The following KLHL4 variants were observed in gnomAD, a reference collection of about 807,000 sequenced individuals.
The protein encoded by KLHL4 is kelch like family member 4.
A neutral mutation model predicts 45.8 loss-of-function variants in KLHL4; 17 were observed. The observed-to-expected ratio is 0.37, with a 90% CI of 0.25 to 0.56. The LOEUF is 0.56. Ranked by LOEUF, KLHL4 falls within the 20% of genes least tolerant of loss-of-function variation. The pLI, the probability that KLHL4 is intolerant of heterozygous loss-of-function variation, is 0.79. For synonymous variants in KLHL4, 224 were observed against 189.9 expected, an observed-to-expected ratio of 1.18 and a Z score of -1.47; for missense variants, 544 against 544.9, an observed-to-expected ratio of 1.00 and a Z score of 0.02.
At chrX:87,556,536 AG>A (rs1931978892) in intron 1 of KLHL4, among the ~76,000 whole-genome samples, 3 of 96,184 alleles carry the variant, frequency 3.1e-5, no homozygotes, top group African/African-American at 1.1e-4. Context: ...GGGTGGGGGA[AG>A]GGGGGAGGGA....
At chrX:87,646,508 T>C (rs896647322) in intron 9 of KLHL4, among the ~76,000 whole-genome samples, 1 of 111,575 alleles carries the variant, frequency 9.0e-6, no homozygotes, top group Admixed American at 9.5e-5. Context: ...TATAAGGCCA[T>C]ACTCTCCAAA....
In KLHL4 at chrX:87,576,586, A is replaced by G. The variant is rs554095390; in HGVS notation, c.423-37291A>G. On this transcript the variant is annotated intron_variant, in intron 1 of 10. Coordinates refer to ENST00000373119, the MANE Select transcript of KLHL4 (RefSeq NM_019117.5). ...TTATCTAAAAATAAAATGAACTACA[A>G]TTGATGATTTATATGGAGTATTTAC... 3.2e-4 allele frequency among the ~76,000 whole-genome samples: 36 copies of G among 111,834 alleles called. No homozygotes were observed. In the South Asian group the frequency reaches 0.012, roughly 37 times the overall value.
intron 1 of KLHL4, among the ~76,000 whole-genome samples, chrX:87,580,764 G>C (rs1921249285): frequency 8.9e-6 from 1 of 112,250 alleles, no homozygotes; most frequent in Non-Finnish European, 1.9e-5. Flanking sequence ...AATTGTAGGA[G>C]ATTTTAATAC....
At chrX:87,533,633 AG>A (rs1209453112) in intron 1 of KLHL4, among the ~76,000 whole-genome samples, 1 of 108,649 alleles carries the variant, frequency 9.2e-6, no homozygotes, top group Non-Finnish European at 1.9e-5. Flanking sequence ...GCAGCACAGC[AG>A]CATGGCACAT....
chrX:87,522,966 C>G (rs190922324), intron 1 of KLHL4, among the ~76,000 whole-genome samples: 9 of 111,142 alleles, frequency 8.1e-5, no homozygotes, highest in Non-Finnish European at 1.7e-4. Flanking sequence ...TTTGGGGACT[C>G]TCATTTAAGG....
chrX:87,591,079 TGGCCGTACTAATTTACA>T (rs1485429288), intron 1 of KLHL4, among the ~76,000 whole-genome samples: 1 of 111,911 alleles, frequency 8.9e-6, no homozygotes, highest in African/African-American at 3.2e-5. Context: ...TTTTCCATAA[TGGCCGTACTAATTTACA>T]TTCCCACCAG....
intron 9 of KLHL4, among the ~76,000 whole-genome samples, chrX:87,655,109 A>G (rs1923944596): frequency 9.0e-6 from 1 of 111,504 alleles, no homozygotes; most frequent in Admixed American, 9.6e-5. Flanking sequence ...TTCTCTGTTC[A>G]CGCTATCGAT....
chrX:87,591,874 CTT>C (rs1255165216), intron 1 of KLHL4, among the ~76,000 whole-genome samples: 1 of 111,595 alleles, frequency 9.0e-6, no homozygotes, highest in Admixed American at 9.6e-5. Flanking sequence ...CAAATATACT[CTT>C]TAAGTTATTT....
At chrX:87,591,026 T>C (rs1005470394) in intron 1 of KLHL4, among the ~76,000 whole-genome samples, 2 of 111,949 alleles carry the variant, frequency 1.8e-5, no homozygotes, top group African/African-American at 6.5e-5. Context: ...TACTGAATCA[T>C]ATGGTAATTC....
At chrX:87,660,920 G>T (rs1259143450) in intron 9 of KLHL4, among the ~76,000 whole-genome samples, 1 of 112,265 alleles carries the variant, frequency 8.9e-6, no homozygotes, top group Non-Finnish European at 1.9e-5. Context: ...AGGTCAAGGA[G>T]AAAGATTGAT....
intron 1 of KLHL4, among the ~76,000 whole-genome samples, chrX:87,541,587 C>T (rs1407124111): frequency 1.8e-5 from 2 of 109,803 alleles, no homozygotes; most frequent in Admixed American, 2.0e-4. Context: ...TCCCTTTCAC[C>T]TTCCACTATG....
intron 1 of KLHL4, among the ~76,000 whole-genome samples, chrX:87,525,745 T>C (rs1406252534): frequency 8.9e-6 from 1 of 111,889 alleles, no homozygotes; most frequent in Non-Finnish European, 1.9e-5. Flanking sequence ...ATATATATTA[T>C]ACTTACACTA....
chrX:87,555,681 A>C (rs754947422), intron 1 of KLHL4, among the ~76,000 whole-genome samples: 5 of 105,612 alleles, frequency 4.7e-5, no homozygotes, highest in Non-Finnish European at 9.8e-5. Flanking sequence ...TCCTGGATTC[A>C]TTAATTTTTT....
Position 87,633,851 on chromosome X carries a change from A to C in KLHL4, c.1652A>C (p.Asn551Thr), listed in dbSNP as rs1262478286. 8.3e-7 allele frequency: 1 copy of C among 1,209,779 alleles called. No homozygotes were observed. The highest frequency in any genetic ancestry group is 3.0e-5 in the East Asian group (1 of 33,806). Residue 551 changes from asparagine to threonine, a missense_variant, in exon 8 of 11, where the codon AAT (asparagine) becomes ACT (threonine). Asn to Thr is a moderately conservative substitution (Grantham distance 65). Transcript: ENST00000373119. The part of the protein sequence containing the change: ...ERWDPEGRQW[N>T]YVASMSTPRS... ...TGGGACCCTGAGGGACGACAGTGGAATTACGTAGCCAGTATGTCAACTCCT... is the reference window on the plus strand; with the variant it reads ...TGGGACCCTGAGGGACGACAGTGGACTTACGTAGCCAGTATGTCAACTCCT...
chrX:87,551,880 CT>C (rs2147779305), intron 1 of KLHL4, among the ~76,000 whole-genome samples: 1 of 111,400 alleles, frequency 9.0e-6, no homozygotes, highest in Admixed American at 9.6e-5. Flanking sequence ...ATCCTCATCT[CT>C]CATATTCTAC....
chrX:87,660,198 C>T (rs1280365284), intron 9 of KLHL4, among the ~76,000 whole-genome samples: 1 of 111,476 alleles, frequency 9.0e-6, no homozygotes, highest in Non-Finnish European at 1.9e-5. Context: ...ATAGACAGCA[C>T]ACAACTCATA....
chrX:87,583,417 A>T (rs1921353034), intron 1 of KLHL4, among the ~76,000 whole-genome samples: 1 of 111,812 alleles, frequency 8.9e-6, no homozygotes, highest in African/African-American at 3.3e-5. Flanking sequence ...CTTCCTTCTG[A>T]TTTAGGAAAG....
chrX:87,577,023 A>G (rs966912694), intron 1 of KLHL4, among the ~76,000 whole-genome samples: 4 of 111,870 alleles, frequency 3.6e-5, no homozygotes, highest in Admixed American at 1.9e-4. Context: ...GAACAATGAA[A>G]ATATTTTAAA....
rs2294962 is a variant in KLHL4, at chrX:87,619,321, T to C, written c.924+1193T>C. 3.1e-3 allele frequency among the ~76,000 whole-genome samples: 343 copies of C among 111,840 alleles called. 15 individuals are homozygous for C. In the East Asian group the frequency reaches 0.087, roughly 29 times the overall value. On this transcript the variant is annotated intron_variant, in intron 4 of 10. Coordinates refer to ENST00000373119, the MANE Select transcript of KLHL4 (RefSeq NM_019117.5). ...AAGGTAATTTTTTAATTTCTAAAAT[T>C]TCAATTGTTTAAAAACTTCTTATCA...
Sources: allele counts gnomAD v4.1 joint callset (sites outside exome capture counted in the v4.1 genomes callset), GRCh38; gene constraint gnomAD v4.1.1; transcripts MANE v1.5; gene names NCBI Gene and HGNC (gene_info 2026-07-23, HGNC 2026-07-21).